Variants in MAPK8IP1 observed in about 807,000 individuals in gnomAD.
MAPK8IP1 encodes the protein mitogen-activated protein kinase 8 interacting protein 1.
Under a neutral mutation model 72.6 loss-of-function variants are expected in MAPK8IP1, and 17 were observed. The observed-to-expected ratio is 0.23, with a 90% CI of 0.16 to 0.35. MAPK8IP1 has a LOEUF of 0.35. MAPK8IP1 is among the 10% of genes least tolerant of loss of function. MAPK8IP1 has a pLI of 1.00. For synonymous variants in MAPK8IP1, 401 were observed against 443.4 expected, an observed-to-expected ratio of 0.90 and a Z score of 1.20; for missense variants, 789 against 1,009.7, an observed-to-expected ratio of 0.78 and a Z score of 2.96.
chr11:45,900,007 G>A lies in MAPK8IP1; in HGVS notation c.208-131G>A. ...GACGGGCGAGAGCGCCCCAGTCTCC[G>A]GCGGCCCCTGCTCGGCTCCCCTCGT... is the stretch of plus-strand genomic sequence containing the variant. On this transcript the variant is annotated intron_variant, in intron 2 of 11. Transcript: ENST00000241014. This position sits in a 1 kb window ranked among gnomAD's most constrained non-coding sequence, Gnocchi z 6.5. 4.1e-6 allele frequency: 2 copies of A among 486,226 alleles called. No individual in the cohort carries two copies. The highest frequency in any genetic ancestry group is 5.9e-6 in the Non-Finnish European group (2 of 341,416). 30.1% of individuals were successfully genotyped at this position (486,226 alleles called of 1,614,324 possible).
chr11:45,893,715 T>G (rs1247945819), intron 1 of MAPK8IP1, among the ~76,000 whole-genome samples: 1 of 151,834 alleles, frequency 6.6e-6, no homozygotes, highest in East Asian at 1.9e-4. Flanking sequence ...CTCCTGGTGC[T>G]AAGGCTGCCA....
At chr11:45,889,657 G>A (rs1410541317) in intron 1 of MAPK8IP1, among the ~76,000 whole-genome samples, 1 of 152,014 alleles carries the variant, frequency 6.6e-6, no homozygotes, top group African/African-American at 2.4e-5. Flanking sequence ...AGAGACCTTA[G>A]AGACCAGCTC....
At chr11:45,896,075 G>C (rs979340813) in intron 1 of MAPK8IP1, among the ~76,000 whole-genome samples, 1 of 152,220 alleles carries the variant, frequency 6.6e-6, no homozygotes, top group African/African-American at 2.4e-5. Flanking sequence ...TCCAGGTTCT[G>C]TTTATGTCAT....
chr11:45,899,818 G>T (rs1012763893), intron 2 of MAPK8IP1, among the ~76,000 whole-genome samples: 12 of 152,174 alleles, frequency 7.9e-5, no homozygotes, highest in Non-Finnish European at 1.5e-5. Flanking sequence ...TAGCAACAGC[G>T]GTGACTTCAC....
intron 2 of MAPK8IP1, 142 bp downstream of exon 2, chr11:45,898,332 G>A: frequency 1.6e-6 from 1 of 641,832 alleles, no homozygotes; most frequent in Non-Finnish European, 2.9e-6. Flanking sequence ...AGAAACATAG[G>A]TATACTGCTT....
intron 1 of MAPK8IP1, chr11:45,896,781 A>C: frequency 6.6e-7 from 1 of 1,523,182 alleles, no homozygotes; most frequent in African/African-American, 1.4e-5. Flanking sequence ...TGGAGGCCAG[A>C]GGCCCCCAGC....
intron 3 of MAPK8IP1, among the ~76,000 whole-genome samples, chr11:45,901,024 G>A (rs1008506668): frequency 2.6e-5 from 4 of 152,116 alleles, no homozygotes; most frequent in African/African-American, 9.7e-5. Flanking sequence ...AGGGCCCCTG[G>A]GAGGGTGGCT....
At chr11:45,891,259 C>A (rs1313755860) in intron 1 of MAPK8IP1, among the ~76,000 whole-genome samples, 7 of 152,204 alleles carry the variant, frequency 4.6e-5, no homozygotes, top group Non-Finnish European at 7.3e-5. Context: ...AGTTCTTAAT[C>A]ATTCTATGAT....
At position 45,903,461 on chromosome 11, in the gene MAPK8IP1, G is replaced by C. The variant is rs764766216; in HGVS notation, c.1493+21G>C. On this transcript the variant is annotated intron_variant, in intron 6 of 11. Transcript: ENST00000241014. This position sits in a 1 kb window ranked among gnomAD's most constrained non-coding sequence, Gnocchi z 6.4. ...TTCAGGTGAGAGCCATGGGCTGGCT[G>C]GGCCTAGCCAGGCAGCAGTTTGGGC... 1.2e-5 allele frequency: 19 copies of C among 1,603,102 alleles called. No individual in the cohort carries two copies. The highest frequency in any genetic ancestry group is 8.4e-5 in the Admixed American group (5 of 59,214).
intron 1 of MAPK8IP1, among the ~76,000 whole-genome samples, chr11:45,886,900 T>A (rs1050334678): frequency 1.3e-4 from 19 of 151,994 alleles, no homozygotes; most frequent in African/African-American, 4.6e-4. Flanking sequence ...TGCCAGCCCC[T>A]CCTGGGAGCA....
intron 2 of MAPK8IP1, among the ~76,000 whole-genome samples, 195 bp downstream of exon 2, chr11:45,898,385 T>C (rs573537018): frequency 1.9e-4 from 29 of 152,232 alleles, no homozygotes; most frequent in Middle Eastern, 3.4e-3. Context: ...TTGGTATTAT[T>C]ATTATTATTA....
chr11:45,904,279 ATT>A lies in MAPK8IP1; in HGVS notation c.1666+121_1666+122del. ...CCAGGTGGGGGGCTGAGTGGAAGTG[ATT>A]TTAGGTCCTTTTCACGATCAAGCAA... On this transcript the variant is annotated intron_variant, in intron 7 of 11. Coordinates refer to ENST00000241014, the MANE Select transcript of MAPK8IP1 (RefSeq NM_005456.4). This position sits in a 1 kb window ranked among gnomAD's most constrained non-coding sequence, Gnocchi z 6.4. 1 of 1,293,814 alleles carries A rather than the reference ATT, an allele frequency of 7.7e-7. No homozygotes were observed. The highest frequency in any genetic ancestry group is 1.1e-6 in the Non-Finnish European group (1 of 913,452). 80.1% of individuals were successfully genotyped at this position (1,293,814 alleles called of 1,614,324 possible).
At chr11:45,896,972 G>T in intron 1 of MAPK8IP1, 1 of 1,558,886 alleles carries the variant, frequency 6.4e-7, no homozygotes, top group Non-Finnish European at 8.7e-7. Flanking sequence ...CGGGGCTGGC[G>T]GGGGTGGAGA....
chr11:45,899,352 C>T (rs1304709653), intron 2 of MAPK8IP1, among the ~76,000 whole-genome samples: 1 of 152,272 alleles, frequency 6.6e-6, no homozygotes, highest in Non-Finnish European at 1.5e-5. Flanking sequence ...AGGTGTGCCC[C>T]TAAGGGGCCT....
In MAPK8IP1 at chr11:45,904,254, C is replaced by T; in HGVS notation, c.1666+93C>T. 1 of 1,415,880 alleles carries T rather than the reference C, an allele frequency of 7.1e-7. No individual in the cohort carries two copies. The highest frequency in any genetic ancestry group is 9.8e-7 in the Non-Finnish European group (1 of 1,020,550). 87.7% of individuals were successfully genotyped at this position (1,415,880 alleles called of 1,614,324 possible). A position where few individuals can be genotyped will look rare whatever the true frequency, so the allele number is the denominator to read the frequency against. Reference sequence around the variant, plus strand: ...AACGTGTACTCCAGATCTCAGCCAGCCAGGTGGGGGGCTGAGTGGAAGTGA... The same window carrying T: ...AACGTGTACTCCAGATCTCAGCCAGTCAGGTGGGGGGCTGAGTGGAAGTGA... On this transcript the variant is annotated intron_variant, in intron 7 of 11. Coordinates refer to ENST00000241014, the MANE Select transcript of MAPK8IP1 (RefSeq NM_005456.4). The surrounding 1 kb of genome is among the most constrained non-coding windows in gnomAD (Gnocchi z 6.4).
chr11:45,906,258 C>T lies in MAPK8IP1; in HGVS notation c.*537C>T, dbSNP rs1065282. ...GAGGTGAAGTCCCTGTTCTCAGCTC[C>T]GTCATCTGCGGGGCTTCTGGGTGGC... On this transcript the variant is annotated 3_prime_UTR_variant, in exon 12 of 12. Coordinates refer to ENST00000241014, the MANE Select transcript of MAPK8IP1 (RefSeq NM_005456.4). 9 of 331,942 alleles carry T rather than the reference C, an allele frequency of 2.7e-5. No individual in the cohort carries two copies. Among genetic ancestry groups the T allele is most frequent in the African/African-American group, 8.4e-5 (4 of 47,356 alleles). 20.6% of individuals were successfully genotyped at this position (331,942 alleles called of 1,614,324 possible).
intron 1 of MAPK8IP1, chr11:45,897,016 C>A: frequency 6.6e-7 from 1 of 1,514,214 alleles, no homozygotes; most frequent in South Asian, 1.2e-5. Context: ...AGCTCAGGGT[C>A]TCTGATCTGA....
intron 1 of MAPK8IP1, chr11:45,896,613 A>G: frequency 7.4e-7 from 1 of 1,349,110 alleles, no homozygotes; most frequent in Non-Finnish European, 9.5e-7. Flanking sequence ...GGGCCAGGCC[A>G]GCCGGGAGGA....
chr11:45,902,543 G>A lies in MAPK8IP1; in HGVS notation c.776G>A (p.Arg259Gln), dbSNP rs543656636. The A allele has an allele frequency of 4.3e-5, 69 of 1,611,946 alleles. No homozygotes were observed. The South Asian group carries it at 4.9e-4, about 12-fold the overall frequency. The part of the protein sequence containing the change: ...GGPPAAPPGG[R>Q]GHSHRDRIHY... ...CCCCCTGCTGCCCCGCCTGGGGGTC[G>A]GGGCCACTCGCATCGAGACCGAATC... is the stretch of plus-strand genomic sequence containing the variant. The change falls in exon 5 of 12, where the codon CGG becomes CAG. Residue 259 changes from arginine (R) to glutamine (Q), a missense_variant. Arg to Gln is a conservative substitution (Grantham distance 43). This residue lies in a region of MAPK8IP1 where 377 missense variants were observed against 411.7 expected (regional missense o/e 0.92). Coordinates refer to ENST00000241014, the MANE Select transcript of MAPK8IP1 (RefSeq NM_005456.4). The surrounding 1 kb of genome is among the most constrained non-coding windows in gnomAD (Gnocchi z 9.3).
Sources: allele counts gnomAD v4.1 joint callset (sites outside exome capture counted in the v4.1 genomes callset), GRCh38; gene constraint gnomAD v4.1.1; regional missense constraint gnomAD v4.1.1; non-coding constraint Gnocchi (gnomAD v3.1); transcripts MANE v1.5; gene names NCBI Gene and HGNC (gene_info 2026-07-23, HGNC 2026-07-21).